Variants in DMD observed in about 807,000 individuals in gnomAD.
DMD encodes the protein mutant dystrophin.
A neutral mutation model predicts 330.1 loss-of-function variants in DMD; 63 were observed. That is an observed-to-expected ratio of 0.19 (90% CI 0.16 to 0.24). DMD has a LOEUF of 0.24. DMD is among the 10% of genes least tolerant of loss of function. The pLI is 1.00. For missense variants in DMD, 3,344 were observed against 2,684.1 expected, an observed-to-expected ratio of 1.25 and a Z score of -5.43; for synonymous variants, 1,223 against 959.8, an observed-to-expected ratio of 1.27 and a Z score of -5.07.
At chrX:33,092,429 A>G (rs2095097728) in intron 1 of DMD, among the ~76,000 whole-genome samples, 1 of 111,975 alleles carries the variant, frequency 8.9e-6, no homozygotes, top group Non-Finnish European at 1.9e-5. Flanking sequence ...AAATTGGTCT[A>G]TATACACTAA....
chrX:33,301,603 C>T (rs190900925), intron 1 of DMD, among the ~76,000 whole-genome samples: 20 of 111,721 alleles, frequency 1.8e-4, no homozygotes, highest in Middle Eastern at 4.6e-3. Flanking sequence ...ATTAATTGTT[C>T]GCAGTTCTGT....
chrX:32,874,083 A>G (rs1338613463), intron 2 of DMD, among the ~76,000 whole-genome samples: 1 of 112,014 alleles, frequency 8.9e-6, no homozygotes, highest in Non-Finnish European at 1.9e-5. Flanking sequence ...TTTGAGTTGC[A>G]AGGCCTTAAG....
At chrX:31,867,884 G>A (rs1241632125) in intron 48 of DMD, among the ~76,000 whole-genome samples, 2 of 110,666 alleles carry the variant, frequency 1.8e-5, no homozygotes, top group Non-Finnish European at 3.8e-5. Flanking sequence ...ATTTCTTGTC[G>A]AATGAATCAG....
intron 1 of DMD, among the ~76,000 whole-genome samples, chrX:33,186,029 T>C (rs2050245579): frequency 8.9e-6 from 1 of 111,792 alleles, no homozygotes; most frequent in Non-Finnish European, 1.9e-5. Flanking sequence ...GAAGTCTTTT[T>C]TGGGGGCGTG....
At chrX:32,357,660 T>TACACACACACACACACACACACACAC (rs3044986) in intron 37 of DMD, among the ~76,000 whole-genome samples, 1 of 94,844 alleles carries the variant, frequency 1.1e-5, no homozygotes, top group African/African-American at 3.9e-5. Context: ...CATACACAGA[T>TACACACACACACACACACACACACAC]ACACACACAC....
chrX:32,566,268 C>T (rs773827725), intron 15 of DMD, among the ~76,000 whole-genome samples: 3 of 111,777 alleles, frequency 2.7e-5, no homozygotes, highest in South Asian at 3.7e-4. Context: ...GGAATTCAAA[C>T]GAAAACTGAC....
Position 31,763,286 on chromosome X carries a change from G to A in DMD, c.7542+10674C>T, listed in dbSNP as rs1231973617. 4.4e-5 allele frequency among the ~76,000 whole-genome samples: 5 copies of A among 112,649 alleles called. No homozygotes were observed. The East Asian group carries it at 8.4e-4, about 19-fold the overall frequency. On this transcript the variant is annotated intron_variant, in intron 51 of 78. Transcript: ENST00000357033. ...AAAAGACCAATACATATTGGCAGCC[G>A]GGCACGGTGGCTCACGCCTGTAATC...
chrX:31,483,236 C>T (rs771642132), intron 57 of DMD, among the ~76,000 whole-genome samples: 41 of 107,939 alleles, frequency 3.8e-4, no homozygotes, highest in African/African-American at 9.9e-4. Flanking sequence ...TTAGTAGAGA[C>T]GGGGTTTCAC....
chrX:31,128,015 C>G (rs188099926), intron 77 of DMD, among the ~76,000 whole-genome samples: 1 of 111,337 alleles, frequency 9.0e-6, no homozygotes, highest in Admixed American at 9.5e-5. Context: ...AAAATGGGTA[C>G]TAGCTCCTCA....
chrX:32,274,126 C>T (rs1478241837), intron 43 of DMD, among the ~76,000 whole-genome samples: 1 of 111,618 alleles, frequency 9.0e-6, no homozygotes, highest in Non-Finnish European at 1.9e-5. Flanking sequence ...CAAAATGAGG[C>T]TAGTCCTATG....
intron 4 of DMD, among the ~76,000 whole-genome samples, chrX:32,836,985 T>A (rs905515636): frequency 2.4e-4 from 27 of 111,373 alleles, no homozygotes; most frequent in Non-Finnish European, 3.8e-5. Flanking sequence ...GCTCTGGTTG[T>A]CTCCAGAAGA....
At chrX:32,952,850 C>T (rs902467776) in intron 2 of DMD, among the ~76,000 whole-genome samples, 2 of 110,466 alleles carry the variant, frequency 1.8e-5, no homozygotes, top group Non-Finnish European at 3.8e-5. Context: ...TGAAATTTCA[C>T]TGGGCTGGGT....
intron 11 of DMD, among the ~76,000 whole-genome samples, chrX:32,616,943 C>G (rs986168948): frequency 9.1e-6 from 1 of 109,629 alleles, no homozygotes. Flanking sequence ...TGAACTACCT[C>G]TTCAACTTTT....
intron 16 of DMD, among the ~76,000 whole-genome samples, chrX:32,555,460 G>C (rs771104952): frequency 2.7e-5 from 3 of 111,515 alleles, no homozygotes; most frequent in South Asian, 7.6e-4. Flanking sequence ...GGAAGAGAAA[G>C]AAATAAAGGG....
chrX:32,829,273 C>T (rs1044766726), intron 4 of DMD, among the ~76,000 whole-genome samples: 1 of 111,589 alleles, frequency 9.0e-6, no homozygotes, highest in African/African-American at 3.2e-5. Context: ...TCCTACTACA[C>T]TCTTCAACAG....
Position 32,438,358 on chromosome X carries a change from A to T in DMD, c.3954T>A (p.Asp1318Glu), listed in dbSNP as rs2098269308. 1.7e-6 allele frequency: 2 copies of T among 1,211,716 alleles called. No individual in the cohort carries two copies. Among genetic ancestry groups the T allele is most frequent in the Non-Finnish European group, 2.2e-6 (2 of 895,443 alleles). The part of the protein sequence containing the change: ...SLENLMRHSE[D>E]NPNQIRILAQ... ...CCAATATGCGAATCTGATTTGGGTTATCCTCTGAATGTCGCATCAAATTTT... is the reference window on the plus strand; with the variant it reads ...CCAATATGCGAATCTGATTTGGGTTTTCCTCTGAATGTCGCATCAAATTTT... The change falls in exon 29 of 79, where the codon GAT (aspartate) becomes GAA (glutamate). Residue 1318 changes from aspartate to glutamate, a missense_variant. Asp to Glu is a conservative substitution (Grantham distance 45). Transcript: ENST00000357033.
chrX:32,569,619 T>G lies in DMD; in HGVS notation c.1813-3738A>C, dbSNP rs775431018. ...CATTTTGAGAAGCATTGATCCTGTC[T>G]GAATTAATTATTTGAGGGCCATCCC... On this transcript the variant is annotated intron_variant, in intron 15 of 78. Transcript: ENST00000357033. Among the ~76,000 whole-genome samples the G allele has an allele frequency of 5.5e-4, 62 of 111,743 alleles. 1 individual carries two copies. The highest frequency in any genetic ancestry group is 9.4e-5 in the Non-Finnish European group (5 of 53,142).
intron 1 of DMD, among the ~76,000 whole-genome samples, chrX:33,193,728 T>A (rs1397972651): frequency 8.9e-6 from 1 of 112,111 alleles, no homozygotes; most frequent in Non-Finnish European, 1.9e-5. Flanking sequence ...GAAATCTGAG[T>A]GTATGTATGC....
chrX:32,508,128 A>G (rs2044826579), intron 18 of DMD, among the ~76,000 whole-genome samples: 1 of 110,994 alleles, frequency 9.0e-6, no homozygotes, highest in African/African-American at 3.3e-5. Flanking sequence ...GTCACTCAGA[A>G]TGGTCTCTGA....
Sources: allele counts gnomAD v4.1 joint callset (sites outside exome capture counted in the v4.1 genomes callset), GRCh38; gene constraint gnomAD v4.1.1; transcripts MANE v1.5; gene names NCBI Gene and HGNC (gene_info 2026-07-23, HGNC 2026-07-21).